The following EPB41L4A variants were observed in gnomAD, a reference collection of about 807,000 sequenced individuals.
The protein encoded by EPB41L4A is erythrocyte membrane protein band 4.1 like 4A, also known as band 4.1-like protein 4A.
In EPB41L4A, 100 loss-of-function variants were observed where a neutral mutation model predicts 108.6. The observed-to-expected ratio is 0.92, with a 90% CI of 0.78 to 1.09. EPB41L4A has a LOEUF of 1.09. Among genes scored for constraint, EPB41L4A ranks in the 50% least tolerant of loss-of-function variants. The pLI is 0.00. For missense variants in EPB41L4A, 1,030 were observed against 842.7 expected, an observed-to-expected ratio of 1.22 and a Z score of -2.75; for synonymous variants, 319 against 289.0, an observed-to-expected ratio of 1.10 and a Z score of -1.05.
At chr5:112,265,575 C>A (rs558240456) in intron 5 of EPB41L4A, among the ~76,000 whole-genome samples, 1 of 152,338 alleles carries the variant, frequency 6.6e-6, no homozygotes, top group African/African-American at 2.4e-5. Flanking sequence ...AAGCCCCAAC[C>A]CACTTCATCT....
At chr5:112,152,072 T>C (rs544557600) in intron 12 of EPB41L4A, among the ~76,000 whole-genome samples, 14 of 152,254 alleles carry the variant, frequency 9.2e-5, no homozygotes, top group Non-Finnish European at 7.4e-5. Flanking sequence ...AGTTAAAATT[T>C]GAGAATTCCT....
At chr5:112,366,775 C>T (rs540329441) in intron 1 of EPB41L4A, among the ~76,000 whole-genome samples, 22 of 152,238 alleles carry the variant, frequency 1.4e-4, no homozygotes, top group African/African-American at 5.1e-4. Flanking sequence ...ATGAAAGGTG[C>T]ACTGCAGGAG....
chr5:112,247,757 AG>A (rs888650392), intron 9 of EPB41L4A, among the ~76,000 whole-genome samples: 13 of 152,164 alleles, frequency 8.5e-5, no homozygotes, highest in African/African-American at 2.9e-4. Context: ...GGAGAAACAA[AG>A]TATTCCGTCT....
chr5:112,313,416 C>G (rs1330587562), intron 1 of EPB41L4A, among the ~76,000 whole-genome samples: 4 of 151,990 alleles, frequency 2.6e-5, no homozygotes, highest in African/African-American at 7.3e-5. Context: ...ACGGTGAAAC[C>G]CCGTCTCTAC....
At chr5:112,142,946 A>G (rs1759118499) in exon 14 of EPB41L4A, 1 of 152,204 alleles carries the variant, frequency 6.6e-6, no homozygotes, top group African/African-American at 2.4e-5. Flanking sequence ...CAGTGCCAAG[A>G]GTGAGCCATG....
rs186044447 is a variant in EPB41L4A, at chr5:112,349,075, T to C, written c.100-41585A>G. On this transcript the variant is annotated intron_variant, in intron 1 of 22. Transcript: ENST00000261486. The stretch of plus-strand genomic sequence containing the variant: ...AAGTAGGAGTAGCCACAACTTCAAA[T>C]GACACCGCAGAGGACAAATCTGGCA... 3.5e-3 allele frequency among the ~76,000 whole-genome samples: 527 copies of C among 152,226 alleles called. 3 individuals are homozygous for C. The highest frequency in any genetic ancestry group is 6.8e-3 in the Middle Eastern group (2 of 294).
chr5:112,411,401 G>A (rs1031822710), intron 1 of EPB41L4A, among the ~76,000 whole-genome samples: 3 of 152,126 alleles, frequency 2.0e-5, no homozygotes, highest in South Asian at 2.1e-4. Context: ...CATACCCCTC[G>A]GAGAACCTGT....
At chr5:112,401,669 T>C (rs530885855) in intron 1 of EPB41L4A, among the ~76,000 whole-genome samples, 8 of 152,296 alleles carry the variant, frequency 5.3e-5, no homozygotes, top group Non-Finnish European at 8.8e-5. Flanking sequence ...TCACCCTTTT[T>C]CCTCCTACAA....
chr5:112,392,349 A>G (rs1283656080), intron 1 of EPB41L4A, among the ~76,000 whole-genome samples: 1 of 150,450 alleles, frequency 6.6e-6, no homozygotes, highest in African/African-American at 2.4e-5. Flanking sequence ...GCAGAGACAC[A>G]CATAGGCTCA....
chr5:112,244,411 G>T (rs1255359219), intron 9 of EPB41L4A, among the ~76,000 whole-genome samples: 2 of 152,202 alleles, frequency 1.3e-5, no homozygotes, highest in East Asian at 3.8e-4. Flanking sequence ...CACGCATTGA[G>T]AAAGAATTCA....
In EPB41L4A at chr5:112,259,312, GTGT is replaced by G. The variant is rs753193830; in HGVS notation, c.732-23_732-21del. 10 of 1,606,052 alleles carry G rather than the reference GTGT, an allele frequency of 6.2e-6. No individual in the cohort carries two copies. The Admixed American group carries it at 1.3e-4, about 21-fold the overall frequency. The stretch of plus-strand genomic sequence containing the variant: ...CGAGGCCTAAAAAACAAAGCAGATG[GTGT>G]TGCTGCTGTTTTTAAGTATTAACCT... On this transcript the variant is annotated intron_variant, in intron 8 of 22. Coordinates refer to ENST00000261486, the MANE Select transcript of EPB41L4A (RefSeq NM_022140.5).
chr5:112,170,205 A>C, intron 20 of EPB41L4A, 96 bp downstream of exon 20: 1 of 1,231,382 alleles, frequency 8.1e-7, no homozygotes, highest in Non-Finnish European at 1.1e-6. Context: ...TGTAAAGACA[A>C]ATTAAAGCAC....
At position 112,184,146 on chromosome 5, in the gene EPB41L4A, A is replaced by C. The variant is rs201524957; in HGVS notation, c.1503-11T>G. The C allele has an allele frequency of 1.2e-6, 2 of 1,613,804 alleles. No homozygotes were observed. Among genetic ancestry groups the C allele is most frequent in the East Asian group, 4.5e-5 (2 of 44,872 alleles). ...TTCTCCTGCCGTATTCTGAAAGGAA[A>C]GCCATGCATCTGAAGTTAACATCTA... On this transcript the variant is annotated splice_polypyrimidine_tract_variant and intron_variant, in intron 17 of 22. Coordinates refer to ENST00000261486, the MANE Select transcript of EPB41L4A (RefSeq NM_022140.5).
intron 1 of EPB41L4A, among the ~76,000 whole-genome samples, chr5:112,393,603 C>T (rs1354784190): frequency 6.6e-6 from 1 of 152,080 alleles, no homozygotes; most frequent in Non-Finnish European, 1.5e-5. Flanking sequence ...TAATTAATAA[C>T]CTATCAACCA....
At chr5:112,153,765 C>CAGCATACAA (rs1759556082) in intron 12 of EPB41L4A, among the ~76,000 whole-genome samples, 1 of 151,298 alleles carries the variant, frequency 6.6e-6, no homozygotes, top group Admixed American at 6.6e-5. Flanking sequence ...TTATGGAACA[C>CAGCATACAA]AGCATACAAG....
chr5:112,194,684 A>G (rs766747306), intron 16 of EPB41L4A, 39 bp from the exon 17 acceptor site: 1 of 1,430,114 alleles, frequency 7.0e-7, no homozygotes, highest in Non-Finnish European at 9.7e-7. Flanking sequence ...AAAAACACAC[A>G]TTTATAACTC....
At chr5:112,316,117 T>A (rs1755412584) in intron 1 of EPB41L4A, among the ~76,000 whole-genome samples, 1 of 152,208 alleles carries the variant, frequency 6.6e-6, no homozygotes. Context: ...CAAGTTTATT[T>A]GAAAATACCA....
At chr5:112,317,420 A>T (rs1015023489) in intron 1 of EPB41L4A, among the ~76,000 whole-genome samples, 2 of 152,230 alleles carry the variant, frequency 1.3e-5, no homozygotes, top group Non-Finnish European at 2.9e-5. Flanking sequence ...GTTTGGCTAG[A>T]GTAACACAGA....
At chr5:112,307,199 G>T (rs1754745354) in intron 2 of EPB41L4A, among the ~76,000 whole-genome samples, 187 bp downstream of exon 2, 1 of 152,128 alleles carries the variant, frequency 6.6e-6, no homozygotes, top group Admixed American at 6.6e-5. Flanking sequence ...TGTGAATCCA[G>T]CAACTCTACA....
Sources: allele counts gnomAD v4.1 joint callset (sites outside exome capture counted in the v4.1 genomes callset), GRCh38; gene constraint gnomAD v4.1.1; transcripts MANE v1.5; gene names NCBI Gene and HGNC (gene_info 2026-07-23, HGNC 2026-07-21).